NRXN1: variants seen among roughly 807,000 people sequenced by gnomAD.
The protein encoded by NRXN1 is neurexin-1.
Under a neutral mutation model 150.9 loss-of-function variants are expected in NRXN1, and 39 were observed. That is an observed-to-expected ratio of 0.26 (90% CI 0.20 to 0.34). The LOEUF is 0.34. Ranked by LOEUF, NRXN1 falls within the 10% of genes least tolerant of loss-of-function variation. NRXN1 has a pLI of 1.00. For missense variants in NRXN1, 1,815 were observed against 1,949.9 expected (o/e 0.93, Z 1.30); for synonymous variants, 924 against 757.0 (o/e 1.22, Z -3.62).
chr2:50,831,459 T>C (rs1671396118), intron 5 of NRXN1, among the ~76,000 whole-genome samples: 1 of 152,148 alleles, frequency 6.6e-6, no homozygotes, highest in East Asian at 1.9e-4. Context: ...TAGAAGAAAG[T>C]ATTAGTTATC....
At chr2:50,941,320 G>C (rs912334693) in intron 2 of NRXN1, among the ~76,000 whole-genome samples, 3 of 152,272 alleles carry the variant, frequency 2.0e-5, no homozygotes, top group Non-Finnish European at 4.4e-5. Flanking sequence ...CTGCTATAAA[G>C]GTACCCGAAA....
chr2:50,997,415 A>G (rs571113361), intron 2 of NRXN1, among the ~76,000 whole-genome samples: 2 of 106,174 alleles, frequency 1.9e-5, no homozygotes, highest in South Asian at 6.1e-4. Context: ...AATTAATCAC[A>G]ATTTCTTTAA....
At chr2:50,974,080 A>C (rs571956926) in intron 2 of NRXN1, among the ~76,000 whole-genome samples, 2 of 152,274 alleles carry the variant, frequency 1.3e-5, no homozygotes, top group African/African-American at 2.4e-5. Flanking sequence ...AAGTGATCCA[A>C]GTTTCCCAAA....
chr2:50,003,916 T>G (rs2152537099), intron 21 of NRXN1, among the ~76,000 whole-genome samples: 1 of 152,198 alleles, frequency 6.6e-6, no homozygotes, highest in Non-Finnish European at 1.5e-5. Context: ...ACTTAACAGA[T>G]GCCCACTCTC....
intron 18 of NRXN1, among the ~76,000 whole-genome samples, chr2:50,234,546 C>G (rs13001290): frequency 6.6e-6 from 1 of 151,822 alleles, no homozygotes; most frequent in African/African-American, 2.4e-5. Flanking sequence ...ATCTCCACAT[C>G]AAAGACTTGT....
chr2:49,989,776 G>T (rs1205771063), intron 21 of NRXN1, among the ~76,000 whole-genome samples: 1 of 152,128 alleles, frequency 6.6e-6, no homozygotes, highest in Non-Finnish European at 1.5e-5. Context: ...ATAAAGTTAT[G>T]ATTGGTAGGA....
chr2:50,858,956 G>C (rs966584272), intron 5 of NRXN1, among the ~76,000 whole-genome samples: 2 of 152,012 alleles, frequency 1.3e-5, no homozygotes, highest in African/African-American at 2.4e-5. Context: ...GCCCAACTGA[G>C]AGATAAAGTT....
rs577895427 is a variant in NRXN1, at chr2:50,625,733, C to T, written c.833-2118G>A. On this transcript the variant is annotated intron_variant, in intron 5 of 22. Transcript: ENST00000401669. ...TAGCTGTCACTAGAACAATTATTTG[C>T]TTTTCAAATTTTGGTTTCTGAAAAT... Among the ~76,000 whole-genome samples, 19 of 152,144 alleles carry T rather than the reference C, an allele frequency of 1.2e-4. No homozygotes were observed. The South Asian group carries it at 3.7e-3, about 30-fold the overall frequency.
chr2:50,717,990 T>G (rs1696088492), intron 5 of NRXN1, among the ~76,000 whole-genome samples: 1 of 152,132 alleles, frequency 6.6e-6, no homozygotes, highest in African/African-American at 2.4e-5. Context: ...GAATAAACAT[T>G]TAGTGCACTA....
Position 50,347,075 on chromosome 2 carries a change from G to T in NRXN1, c.3365-110105C>A. On this transcript the variant is annotated intron_variant, in intron 17 of 22. Transcript: ENST00000401669. The surrounding 1 kb of genome is among the most constrained non-coding windows in gnomAD (Gnocchi z 4.9). Reference sequence around the variant, plus strand: ...GGGCCGGCCGCCTCACCGCGCCAGGGCACCCATCCTCTCCCTCCTTCGGAC... The same window carrying T: ...GGGCCGGCCGCCTCACCGCGCCAGGTCACCCATCCTCTCCCTCCTTCGGAC... 7.2e-7 allele frequency: 1 copy of T among 1,382,398 alleles called. No homozygotes were observed. Among genetic ancestry groups the T allele is most frequent in the South Asian group, 1.2e-5 (1 of 82,056 alleles). The allele number at this position is 1,382,398 out of a possible 1,614,324, so 85.6% of individuals were successfully genotyped here.
intron 18 of NRXN1, among the ~76,000 whole-genome samples, chr2:50,161,624 C>T (rs771911929): frequency 6.6e-6 from 1 of 152,090 alleles, no homozygotes; most frequent in Non-Finnish European, 1.5e-5. Context: ...TGCAATGTTC[C>T]ACAAAGTGTT....
intron 5 of NRXN1, among the ~76,000 whole-genome samples, chr2:50,757,736 A>G (rs2105363566): frequency 6.6e-6 from 1 of 151,858 alleles, no homozygotes; most frequent in Non-Finnish European, 1.5e-5. Context: ...ATGACCAGGA[A>G]AAAGTTGAGG....
At chr2:50,628,676 T>C in intron 5 of NRXN1, among the ~76,000 whole-genome samples, 1 of 151,636 alleles carries the variant, frequency 6.6e-6, no homozygotes, top group East Asian at 1.9e-4. Flanking sequence ...ACGTCCATTT[T>C]TAAATACAAG....
chr2:50,095,794 T>A (rs1961356), intron 18 of NRXN1, among the ~76,000 whole-genome samples: 3,352 of 151,082 alleles, frequency 0.022, 117 homozygotes, highest in African/African-American at 0.072. Flanking sequence ...ATATATATAT[T>A]TTTTTATTAT....
intron 19 of NRXN1, among the ~76,000 whole-genome samples, chr2:50,058,053 C>A (rs1388986107): frequency 6.6e-6 from 1 of 152,136 alleles, no homozygotes; most frequent in Admixed American, 6.6e-5. Flanking sequence ...AAAAAGATCA[C>A]ATAAACACAT....
At chr2:50,508,976 G>A (rs1309555331) in intron 12 of NRXN1, among the ~76,000 whole-genome samples, 1 of 152,208 alleles carries the variant, frequency 6.6e-6, no homozygotes, top group African/African-American at 2.4e-5. Context: ...GCAGTTGCTA[G>A]ATCATGATTT....
At chr2:50,956,430 T>G (rs1692294359) in intron 2 of NRXN1, among the ~76,000 whole-genome samples, 1 of 152,074 alleles carries the variant, frequency 6.6e-6, no homozygotes, top group African/African-American at 2.4e-5. Flanking sequence ...ACTAACGTGA[T>G]GGGCTTAAAA....
At chr2:50,907,754 G>T (rs577036565) in intron 5 of NRXN1, among the ~76,000 whole-genome samples, 3 of 152,192 alleles carry the variant, frequency 2.0e-5, no homozygotes, top group African/African-American at 7.2e-5. Flanking sequence ...AGAAAAGGAA[G>T]AAAGCAGATT....
chr2:50,787,326 G>A (rs771573208), intron 5 of NRXN1, among the ~76,000 whole-genome samples: 9 of 151,994 alleles, frequency 5.9e-5, no homozygotes, highest in African/African-American at 1.9e-4. Flanking sequence ...TTGGGAGGCC[G>A]AGGTGAGTGG....
Sources: allele counts gnomAD v4.1 joint callset (sites outside exome capture counted in the v4.1 genomes callset), GRCh38; gene constraint gnomAD v4.1.1; non-coding constraint Gnocchi (gnomAD v3.1); transcripts MANE v1.5; gene names NCBI Gene and HGNC (gene_info 2026-07-23, HGNC 2026-07-21).